The following PLXDC2 variants were observed in gnomAD, a reference collection of about 807,000 sequenced individuals.
PLXDC2 encodes plexin domain-containing protein 2.
A neutral mutation model predicts 68.9 loss-of-function variants in PLXDC2; 40 were observed. The ratio of observed to expected loss-of-function variants is 0.58; its 90% confidence interval spans 0.45 to 0.76. The LOEUF (loss-of-function observed/expected upper bound fraction) is 0.76. Ranked by LOEUF, PLXDC2 falls within the 30% of genes least tolerant of loss-of-function variation. PLXDC2 has a pLI of 0.00. For synonymous variants in PLXDC2, 243 were observed against 234.2 expected (o/e 1.04, Z -0.34); for missense variants, 644 against 661.9 (o/e 0.97, Z 0.30).
intron 1 of PLXDC2, among the ~76,000 whole-genome samples, chr10:19,843,117 G>T (rs1170669971): frequency 6.8e-6 from 1 of 147,612 alleles, no homozygotes; most frequent in Non-Finnish European, 1.5e-5. Flanking sequence ...ATCTGCCACT[G>T]TATCTACAGC....
At position 20,108,011 on chromosome 10, in the gene PLXDC2, T is replaced by C. The variant is rs569868148; in HGVS notation, c.542-35284T>C. The stretch of plus-strand genomic sequence containing the variant: ...AAATTAAATATTGTGCAATTCTTTT[T>C]ATTAGACTTTTTGGACTCCTTTACA... On this transcript the variant is annotated intron_variant, in intron 4 of 13. Transcript: ENST00000377252. 8.5e-5 allele frequency among the ~76,000 whole-genome samples: 13 copies of C among 152,348 alleles called. No homozygotes were observed. In the East Asian group the frequency reaches 2.5e-3, roughly 29 times the overall value.
intron 12 of PLXDC2, among the ~76,000 whole-genome samples, chr10:20,244,694 C>A (rs1244963354): frequency 6.6e-6 from 1 of 152,124 alleles, no homozygotes; most frequent in Non-Finnish European, 1.5e-5. Flanking sequence ...ATCAGCTTTT[C>A]CATAGGTAAC....
At chr10:19,957,095 TA>T (rs1182014631) in intron 1 of PLXDC2, among the ~76,000 whole-genome samples, 1 of 152,162 alleles carries the variant, frequency 6.6e-6, no homozygotes, top group Non-Finnish European at 1.5e-5. Flanking sequence ...TTATAAATCA[TA>T]AAAAAGATTT....
At chr10:20,179,364 A>C (rs1385458242) in intron 9 of PLXDC2, among the ~76,000 whole-genome samples, 1 of 152,120 alleles carries the variant, frequency 6.6e-6, no homozygotes, top group Admixed American at 6.6e-5. Flanking sequence ...CCAGAGCCTA[A>C]GAACATACCT....
At chr10:19,864,827 C>T (rs1303594959) in intron 1 of PLXDC2, among the ~76,000 whole-genome samples, 3 of 152,176 alleles carry the variant, frequency 2.0e-5, no homozygotes, top group African/African-American at 4.8e-5. Context: ...GAATTCACGT[C>T]GGGCTGTAGT....
intron 1 of PLXDC2, among the ~76,000 whole-genome samples, chr10:19,854,794 A>G (rs1381013241): frequency 6.6e-6 from 1 of 152,140 alleles, no homozygotes; most frequent in Non-Finnish European, 1.5e-5. Context: ...GCCAGGGGCA[A>G]ATTTCACATA....
intron 9 of PLXDC2, among the ~76,000 whole-genome samples, chr10:20,195,158 T>G (rs1227003808): frequency 6.6e-6 from 1 of 152,016 alleles, no homozygotes; most frequent in Non-Finnish European, 1.5e-5. Flanking sequence ...ATAAAACAGA[T>G]AAGATGAGAT....
intron 13 of PLXDC2, among the ~76,000 whole-genome samples, chr10:20,258,122 C>T (rs1388665295): frequency 6.6e-6 from 1 of 151,196 alleles, no homozygotes; most frequent in Non-Finnish European, 1.5e-5. Context: ...CTGCCTCCGC[C>T]TCTCCAGTAG....
At chr10:20,110,431 A>G (rs968907172) in intron 4 of PLXDC2, among the ~76,000 whole-genome samples, 9 of 152,172 alleles carry the variant, frequency 5.9e-5, no homozygotes, top group African/African-American at 1.9e-4. Flanking sequence ...ATAACAGGGA[A>G]TGGCTTGATC....
intron 3 of PLXDC2, among the ~76,000 whole-genome samples, chr10:20,063,377 A>G (rs997160974): frequency 2.6e-5 from 4 of 152,200 alleles, no homozygotes; most frequent in Admixed American, 6.5e-5. Context: ...CTGTCCTAAA[A>G]CAAAAAGAAG....
intron 1 of PLXDC2, among the ~76,000 whole-genome samples, chr10:19,921,644 C>G (rs1241670232): frequency 1.3e-5 from 2 of 152,198 alleles, no homozygotes; most frequent in Non-Finnish European, 2.9e-5. Context: ...TACAATTTCC[C>G]TCTTCCTTAA....
chr10:19,875,929 G>T (rs1035483267), intron 1 of PLXDC2, among the ~76,000 whole-genome samples: 1 of 152,026 alleles, frequency 6.6e-6, no homozygotes, highest in Non-Finnish European at 1.5e-5. Flanking sequence ...GTGTGCAAAA[G>T]CAGTCTATGC....
At chr10:19,852,544 A>G (rs981050651) in intron 1 of PLXDC2, among the ~76,000 whole-genome samples, 2 of 152,026 alleles carry the variant, frequency 1.3e-5, no homozygotes, top group Non-Finnish European at 2.9e-5. Flanking sequence ...ATCACTGAAA[A>G]ATGAGAAATA....
At chr10:20,204,759 G>C (rs566233147) in intron 9 of PLXDC2, among the ~76,000 whole-genome samples, 2 of 152,274 alleles carry the variant, frequency 1.3e-5, no homozygotes, top group South Asian at 4.1e-4. Context: ...ATCTGTGTCT[G>C]TTTTCAAGCT....
intron 1 of PLXDC2, among the ~76,000 whole-genome samples, chr10:19,927,136 T>A (rs1421497641): frequency 6.6e-6 from 1 of 152,158 alleles, no homozygotes; most frequent in Non-Finnish European, 1.5e-5. Context: ...TTGGAGTGGC[T>A]AAAACATTCA....
At chr10:20,152,739 G>C (rs1185983109) in intron 6 of PLXDC2, among the ~76,000 whole-genome samples, 1 of 151,828 alleles carries the variant, frequency 6.6e-6, no homozygotes, top group Admixed American at 6.6e-5. Context: ...ATGTCTTACA[G>C]GTCTGTCTCT....
intron 9 of PLXDC2, among the ~76,000 whole-genome samples, chr10:20,177,818 T>C (rs1834549687): frequency 6.6e-6 from 1 of 152,166 alleles, no homozygotes; most frequent in African/African-American, 2.4e-5. Context: ...ATTAGCAATA[T>C]TGTATGTATA....
chr10:19,930,689 C>T (rs1015369775), intron 1 of PLXDC2, among the ~76,000 whole-genome samples: 4 of 152,068 alleles, frequency 2.6e-5, no homozygotes, highest in African/African-American at 9.7e-5. Context: ...AAGGCTGGCA[C>T]GGTGGCTCAC....
chr10:20,031,706 C>A (rs1232077279), intron 2 of PLXDC2, among the ~76,000 whole-genome samples: 6 of 152,028 alleles, frequency 3.9e-5, no homozygotes, highest in Admixed American at 2.0e-4. Flanking sequence ...TATAAAGAAG[C>A]GCTAACATCA....
Sources: allele counts gnomAD v4.1 joint callset (sites outside exome capture counted in the v4.1 genomes callset), GRCh38; gene constraint gnomAD v4.1.1; transcripts MANE v1.5; gene names NCBI Gene and HGNC (gene_info 2026-07-23, HGNC 2026-07-21).